ELL: variants seen among roughly 807,000 people sequenced by gnomAD.
ELL encodes the protein elongation factor for RNA polymerase II.
Under a neutral mutation model 64.0 loss-of-function variants are expected in ELL, and 18 were observed. The observed-to-expected ratio is 0.28, with a 90% CI of 0.19 to 0.42. The LOEUF (loss-of-function observed/expected upper bound fraction) is 0.42. ELL is among the 10% of genes least tolerant of loss of function. The pLI is 1.00. For missense variants in ELL, 797 were observed against 870.4 expected (o/e 0.92, Z 1.06); for synonymous variants, 399 against 376.2 (o/e 1.06, Z -0.70).
At chr19:18,466,214 G>A (rs1974932526) in intron 2 of ELL, among the ~76,000 whole-genome samples, 1 of 152,196 alleles carries the variant, frequency 6.6e-6, no homozygotes, top group Non-Finnish European at 1.5e-5. Flanking sequence ...CTGCCCAGAT[G>A]CAGGGCCCCC....
At chr19:18,480,194 G>A (rs1420716299) in intron 1 of ELL, among the ~76,000 whole-genome samples, 1 of 152,216 alleles carries the variant, frequency 6.6e-6, no homozygotes, top group Non-Finnish European at 1.5e-5. Flanking sequence ...GAAGAGCCCT[G>A]GACGGTGGCC....
At chr19:18,473,044 C>A (rs938382561) in intron 1 of ELL, 162 bp from the exon 2 acceptor site, 3 of 819,440 alleles carry the variant, frequency 3.7e-6, no homozygotes, top group Non-Finnish European at 3.8e-6. Context: ...TAGGCAAGGT[C>A]ACCGGAGCAG....
chr19:18,465,098 A>G (rs922365898), intron 4 of ELL, among the ~76,000 whole-genome samples: 1 of 152,228 alleles, frequency 6.6e-6, no homozygotes, highest in South Asian at 2.1e-4. Context: ...CCAAGGCTGC[A>G]GCCTGAAAGC....
chr19:18,496,598 T>C (rs942536610), intron 1 of ELL, among the ~76,000 whole-genome samples: 1 of 151,492 alleles, frequency 6.6e-6, no homozygotes, highest in Non-Finnish European at 1.5e-5. Flanking sequence ...GTTGGAGGCG[T>C]GGAGTAGGGT....
intron 1 of ELL, among the ~76,000 whole-genome samples, chr19:18,478,188 C>T (rs1202365593): frequency 6.6e-6 from 1 of 152,214 alleles, no homozygotes; most frequent in Non-Finnish European, 1.5e-5. Flanking sequence ...CCAGAGCCAA[C>T]ATGCGTGGTG....
intron 1 of ELL, among the ~76,000 whole-genome samples, chr19:18,504,328 C>T (rs1267843639): frequency 1.3e-5 from 2 of 152,210 alleles, no homozygotes; most frequent in Non-Finnish European, 2.9e-5. Flanking sequence ...CTGTGACTCT[C>T]GGGATTACCC....
chr19:18,484,332 G>A (rs1461808636), intron 1 of ELL, among the ~76,000 whole-genome samples: 2 of 152,176 alleles, frequency 1.3e-5, no homozygotes, highest in East Asian at 3.8e-4. Context: ...AGGCGTGGTG[G>A]CAGGTGCCTG....
At chr19:18,507,419 C>G (rs1465901940) in intron 1 of ELL, among the ~76,000 whole-genome samples, 2 of 152,272 alleles carry the variant, frequency 1.3e-5, no homozygotes, top group African/African-American at 4.8e-5. Context: ...GTCTTTCAAG[C>G]CACTGGTATC....
chr19:18,444,660 C>T lies in ELL; in HGVS notation c.*92G>A. On this transcript the variant is annotated 3_prime_UTR_variant, in exon 12 of 12. Transcript: ENST00000262809. ...AGCCGGCGGTGCTGGCTCAGATGAG[C>T]ATCTTCCTCGGGTTTATTTTTTTAA... 1.5e-6 allele frequency: 2 copies of T among 1,361,644 alleles called. No individual in the cohort carries two copies. Among genetic ancestry groups the T allele is most frequent in the Non-Finnish European group, 2.0e-6 (2 of 1,001,756 alleles). The allele number at this position is 1,361,644 out of a possible 1,614,324, so 84.3% of individuals were successfully genotyped here.
chr19:18,498,969 C>G (rs369827361), intron 1 of ELL, among the ~76,000 whole-genome samples: 1 of 144,280 alleles, frequency 6.9e-6, no homozygotes, highest in Admixed American at 6.9e-5. Context: ...ACAACAACAA[C>G]AAAAACCCAC....
In ELL at chr19:18,444,537, G is replaced by T; in HGVS notation, c.*215C>A. ...GAGGAGGCAGTGGGCTTCCTGGGGA[G>T]CCCATCATAAGCAGGGACTGCTCAG... On this transcript the variant is annotated 3_prime_UTR_variant, in exon 12 of 12. Transcript: ENST00000262809. The T allele has an allele frequency of 2.0e-6, 1 of 493,886 alleles. No homozygotes were observed. Among genetic ancestry groups the T allele is most frequent in the Non-Finnish European group, 3.6e-6 (1 of 279,212 alleles). The allele number at this position is 493,886 out of a possible 1,614,324, so 30.6% of individuals were successfully genotyped here. A position where few individuals can be genotyped will look rare whatever the true frequency, so the allele number is the denominator to read the frequency against.
chr19:18,451,701 C>T, intron 6 of ELL, 53 bp from the exon 7 acceptor site: 3 of 1,408,974 alleles, frequency 2.1e-6, no homozygotes, highest in Non-Finnish European at 1.8e-6. Context: ...GCCTAGGGGC[C>T]CCAGGCCTGT....
intron 5 of ELL, 73 bp from the exon 6 acceptor site, chr19:18,458,402 T>G: frequency 6.4e-7 from 1 of 1,564,330 alleles, no homozygotes; most frequent in South Asian, 1.2e-5. Context: ...AAAGATCTGA[T>G]AGTGGGTTTG....
At chr19:18,453,763 TGCCCAGGCTTGTCTAGAACTTGA>T (rs1974592011) in intron 6 of ELL, among the ~76,000 whole-genome samples, 1 of 152,170 alleles carries the variant, frequency 6.6e-6, no homozygotes, top group Non-Finnish European at 1.5e-5. Flanking sequence ...CTCACTATGT[TGCCCAGGCTTGTCTAGAACTTGA>T]GCCCAGGCTT....
rs538951328 is a variant in ELL, at chr19:18,453,269, C to T, written c.870-1621G>A. 4.6e-5 allele frequency among the ~76,000 whole-genome samples: 7 copies of T among 152,300 alleles called. No individual in the cohort carries two copies. The South Asian group carries it at 1.2e-3, about 27-fold the overall frequency. On this transcript the variant is annotated intron_variant, in intron 6 of 11. Coordinates refer to ENST00000262809, the MANE Select transcript of ELL (RefSeq NM_006532.4). ...AGTCTGGGCAACAAGACCGAGACTC[C>T]GTCTCAAAAACATAAAATAAATAAA...
rs560262438 is a variant in ELL at position 18,520,426 on chromosome 19, G to T, written c.135+1495C>A. Among the ~76,000 whole-genome samples, 12 of 152,238 alleles carry T rather than the reference G, an allele frequency of 7.9e-5. No individual in the cohort carries two copies. In the East Asian group the frequency reaches 2.1e-3, roughly 27 times the overall value. ...CCACTGTCTCCTCCTCACCTGCAGG[G>T]GCGCCTTAGCCTCATCTTGGGGAGT... is the stretch of plus-strand genomic sequence containing the variant. On this transcript the variant is annotated intron_variant, in intron 1 of 11. Transcript: ENST00000262809.
chr19:18,473,822 C>T (rs1209738010), intron 1 of ELL, among the ~76,000 whole-genome samples: 1 of 152,084 alleles, frequency 6.6e-6, no homozygotes, highest in Non-Finnish European at 1.5e-5. Flanking sequence ...CACCACCTGG[C>T]CCCACTGCCC....
chr19:18,445,796 T>C (rs1390477832), intron 10 of ELL, among the ~76,000 whole-genome samples: 1 of 152,038 alleles, frequency 6.6e-6, no homozygotes, highest in Non-Finnish European at 1.5e-5. Flanking sequence ...ACTCTCTGTA[T>C]ACACAGGGCA....
At chr19:18,465,320 A>C (rs915477314) in intron 4 of ELL, 92 bp downstream of exon 4, 169 of 1,480,228 alleles carry the variant, frequency 1.1e-4, no homozygotes, top group Non-Finnish European at 1.4e-4. Flanking sequence ...TGTGCAGGGC[A>C]CAGCCAGTGC....
Sources: allele counts gnomAD v4.1 joint callset (sites outside exome capture counted in the v4.1 genomes callset), GRCh38; gene constraint gnomAD v4.1.1; transcripts MANE v1.5; gene names NCBI Gene and HGNC (gene_info 2026-07-23, HGNC 2026-07-21).